Variants in ST6GAL2 observed in about 807,000 individuals in gnomAD.
The protein encoded by ST6GAL2 is ST6 beta-galactoside alpha-2,6-sialyltransferase 2.
A neutral mutation model predicts 37.5 loss-of-function variants in ST6GAL2; 24 were observed. The observed-to-expected ratio is 0.64, with a 90% CI of 0.46 to 0.90. The LOEUF (loss-of-function observed/expected upper bound fraction) is 0.90, where lower values mean the gene tolerates loss of function less well. Among genes scored for constraint, ST6GAL2 ranks in the 40% least tolerant of loss-of-function variants. ST6GAL2 has a pLI of 0.00. For missense variants in ST6GAL2, 715 were observed against 712.7 expected (o/e 1.00, Z -0.04); for synonymous variants, 306 against 295.1 (o/e 1.04, Z -0.38).
chr2:106,841,724 C>T (rs979073624), intron 2 of ST6GAL2, among the ~76,000 whole-genome samples: 1 of 151,992 alleles, frequency 6.6e-6, no homozygotes, highest in Non-Finnish European at 1.5e-5. Flanking sequence ...TGTGATCCAG[C>T]GAGGAAGGGG....
intron 1 of ST6GAL2, among the ~76,000 whole-genome samples, chr2:106,872,519 G>C (rs1239075538): frequency 6.6e-6 from 1 of 152,174 alleles, no homozygotes; most frequent in Non-Finnish European, 1.5e-5. Flanking sequence ...TTCCTCACTT[G>C]TACGAGAGGT....
intron 4 of ST6GAL2, among the ~76,000 whole-genome samples, chr2:106,832,114 G>A (rs557605308): frequency 6.6e-6 from 1 of 152,294 alleles, no homozygotes; most frequent in East Asian, 1.9e-4. Context: ...ACACACTCAA[G>A]AAGAGCCTGG....
chr2:106,858,300 G>A (rs1558715792), intron 1 of ST6GAL2, among the ~76,000 whole-genome samples: 2 of 152,132 alleles, frequency 1.3e-5, no homozygotes, highest in African/African-American at 2.4e-5. Flanking sequence ...AACTTCTCCT[G>A]CACTCAGCTG....
upstream of ST6GAL2, chr2:106,887,230 C>G (rs1301771383): frequency 1.3e-5 from 2 of 152,332 alleles, no homozygotes; most frequent in South Asian, 2.1e-4. Flanking sequence ...GCATCCTCCC[C>G]GGCTCGCTAG....
At position 106,843,797 on chromosome 2, in the gene ST6GAL2, T is replaced by C. The variant is rs1483884374; in HGVS notation, c.181A>G (p.Ile61Val). The change falls in exon 2 of 6, where the codon ATC becomes GTC. Residue 61 changes from isoleucine (I) to valine (V), a missense_variant. Ile to Val is a conservative substitution (Grantham distance 29, BLOSUM62 3). Transcript: ENST00000409382. ...LLPVQGKQRA[I>V]MGAAHEPSPP... Reference sequence around the variant, plus strand: ...GAGGGCTCATGTGCGGCGCCCATGATGGCCCGCTGCTTCCCCTGCACCGGC... The same window carrying C: ...GAGGGCTCATGTGCGGCGCCCATGACGGCCCGCTGCTTCCCCTGCACCGGC... The C allele has an allele frequency of 1.9e-6, 3 of 1,610,988 alleles. No individual in the cohort carries two copies. Among genetic ancestry groups the C allele is most frequent in the East Asian group, 2.2e-5 (1 of 44,776 alleles).
intron 5 of ST6GAL2, chr2:106,824,904 G>A (rs1676144667): frequency 6.6e-6 from 1 of 152,158 alleles, no homozygotes; most frequent in Admixed American, 6.5e-5. Context: ...CTGTGGACTA[G>A]ACTTCTAAAG....
chr2:106,810,688 G>A (rs993651024), intron 5 of ST6GAL2, among the ~76,000 whole-genome samples: 1 of 148,306 alleles, frequency 6.7e-6, no homozygotes, highest in Non-Finnish European at 1.5e-5. Context: ...AGTGGCTCAC[G>A]CCTGGAATCC....
At chr2:106,854,388 C>T (rs968680097) in intron 1 of ST6GAL2, among the ~76,000 whole-genome samples, 3 of 152,114 alleles carry the variant, frequency 2.0e-5, no homozygotes, top group African/African-American at 7.2e-5. Flanking sequence ...TAGCACTGTG[C>T]CTGGCCCAAA....
At chr2:106,883,756 A>C in intron 1 of ST6GAL2, among the ~76,000 whole-genome samples, 1 of 151,888 alleles carries the variant, frequency 6.6e-6, no homozygotes, top group Middle Eastern at 3.4e-3. Flanking sequence ...GAAAAGAAAA[A>C]ACTCAATCAA....
At chr2:106,836,960 A>AAT (rs947035537) in intron 2 of ST6GAL2, among the ~76,000 whole-genome samples, 5 of 150,660 alleles carry the variant, frequency 3.3e-5, no homozygotes, top group African/African-American at 1.2e-4. Context: ...AAAAAAAAAA[A>AAT]AAGAATTGAA....
chr2:106,876,903 G>C (rs1452335194), intron 1 of ST6GAL2, among the ~76,000 whole-genome samples: 2 of 152,132 alleles, frequency 1.3e-5, no homozygotes, highest in African/African-American at 4.8e-5. Context: ...GACAGAAGCA[G>C]CACATTGGTG....
In ST6GAL2 at chr2:106,843,537, T is replaced by A. The variant is rs774525912; in HGVS notation, c.441A>T (p.Thr147=). ...QPGWHSHTQG[T]LGFPSPGEPG... is the part of the protein sequence containing the mutation. ...GCTCCCCGGGGGAAGGGAATCCCAA[T>A]GTCCCCTGAGTGTGGCTGTGCCACC... Residue 147 remains threonine (T), a synonymous_variant, in exon 2 of 6, where the codon ACA becomes ACT. Transcript: ENST00000409382. 16 of 1,613,884 alleles carry A rather than the reference T, an allele frequency of 9.9e-6. No individual in the cohort carries two copies. The East Asian group carries it at 1.1e-4, about 11-fold the overall frequency.
At chr2:106,875,492 T>C (rs1159269361) in intron 1 of ST6GAL2, among the ~76,000 whole-genome samples, 1 of 152,222 alleles carries the variant, frequency 6.6e-6, no homozygotes, top group Non-Finnish European at 1.5e-5. Flanking sequence ...CCACTTTTTC[T>C]TTATATTCCT....
chr2:106,807,084 C>A lies in ST6GAL2; in HGVS notation c.1319-135G>T. The A allele has an allele frequency of 2.8e-6, 2 of 715,668 alleles. 1 individual carries two copies. The highest frequency in any genetic ancestry group is 3.8e-5 in the South Asian group (2 of 53,020). The allele number at this position is 715,668 out of a possible 1,614,324, so 44.3% of individuals were successfully genotyped here. On this transcript the variant is annotated intron_variant, in intron 5 of 5. Transcript: ENST00000409382. ...TACTTTTTTGTTGTTGTTGCATTTG[C>A]AATGTTATAACTTCCATTAAGTGGT... is the stretch of plus-strand genomic sequence containing the variant.
At chr2:106,827,742 GGGC>G (rs1273265944) in intron 5 of ST6GAL2, among the ~76,000 whole-genome samples, 3 of 152,152 alleles carry the variant, frequency 2.0e-5, no homozygotes, top group Non-Finnish European at 2.9e-5. Context: ...ATTTGAGATT[GGGC>G]TAGTGAGATT....
chr2:106,849,179 A>G (rs1677259390), intron 1 of ST6GAL2, among the ~76,000 whole-genome samples: 1 of 152,174 alleles, frequency 6.6e-6, no homozygotes, highest in South Asian at 2.1e-4. Flanking sequence ...CCTGAACCTC[A>G]TTATTTAAGG....
intron 1 of ST6GAL2, among the ~76,000 whole-genome samples, chr2:106,845,616 C>A (rs1482399272): frequency 2.6e-5 from 4 of 152,074 alleles, no homozygotes; most frequent in African/African-American, 9.7e-5. Flanking sequence ...GAACTGAAAT[C>A]AAAATGAATG....
chr2:106,841,551 C>T (rs1676885154), intron 2 of ST6GAL2, among the ~76,000 whole-genome samples: 1 of 152,200 alleles, frequency 6.6e-6, no homozygotes, highest in Non-Finnish European at 1.5e-5. Flanking sequence ...AAGGGCCAAG[C>T]TGCTTGCTGA....
chr2:106,846,055 AGCC>A (rs1677131571), intron 1 of ST6GAL2, among the ~76,000 whole-genome samples: 4 of 151,894 alleles, frequency 2.6e-5, no homozygotes, highest in African/African-American at 9.7e-5. Context: ...CAGCCATCCC[AGCC>A]ATCCCAGCCC....
Sources: allele counts gnomAD v4.1 joint callset (sites outside exome capture counted in the v4.1 genomes callset), GRCh38; gene constraint gnomAD v4.1.1; transcripts MANE v1.5; gene names NCBI Gene and HGNC (gene_info 2026-07-23, HGNC 2026-07-21).